PTPRT: variants seen among roughly 807,000 people sequenced by gnomAD.
PTPRT encodes the protein protein tyrosine phosphatase receptor type T, also known as receptor-type tyrosine-protein phosphatase T.
In PTPRT, 56 loss-of-function variants were observed where a neutral mutation model predicts 176.8. The ratio of observed to expected loss-of-function variants is 0.32; its 90% CI spans 0.26 to 0.40. The LOEUF is 0.40. Ranked by LOEUF, PTPRT falls within the 10% of genes least tolerant of loss-of-function variation. The pLI is 1.00. For synonymous variants in PTPRT, 783 were observed against 739.0 expected (o/e 1.06, Z -0.96); for missense variants, 1,540 against 1,908.2 (o/e 0.81, Z 3.60).
At chr20:42,767,138 C>T (rs146361571) in intron 5 of PTPRT, among the ~76,000 whole-genome samples, 191 of 152,226 alleles carry the variant, frequency 1.3e-3, no homozygotes, top group Non-Finnish European at 2.0e-3. Flanking sequence ...TTGATAGGTG[C>T]CTTCTTTTTG....
At chr20:42,198,559 A>C (rs1208383002) in intron 16 of PTPRT, among the ~76,000 whole-genome samples, 3 of 152,224 alleles carry the variant, frequency 2.0e-5, no homozygotes, top group Non-Finnish European at 2.9e-5. Flanking sequence ...TCCACAAGGA[A>C]GCCTTAGATG....
intron 8 of PTPRT, among the ~76,000 whole-genome samples, chr20:42,471,598 T>TTCTTTATAAATTACCCAG (rs752810228): frequency 6.6e-6 from 1 of 152,232 alleles, no homozygotes; most frequent in African/African-American, 2.4e-5. Context: ...TAAACCTCCT[T>TTCTTTATAAATTACCCAG]TCTTTATAAA....
At chr20:42,654,307 A>G (rs1410574309) in intron 7 of PTPRT, among the ~76,000 whole-genome samples, 1 of 152,312 alleles carries the variant, frequency 6.6e-6, no homozygotes, top group Admixed American at 6.5e-5. Flanking sequence ...TCCCTAGCAC[A>G]GTGCATTCAA....
intron 11 of PTPRT, among the ~76,000 whole-genome samples, chr20:42,346,703 G>A (rs566071376): frequency 1.3e-5 from 2 of 152,288 alleles, no homozygotes; most frequent in East Asian, 3.9e-4. Flanking sequence ...CTTCAGAGGA[G>A]CAGTAAGTGG....
intron 7 of PTPRT, among the ~76,000 whole-genome samples, chr20:42,496,516 C>A (rs2071656498): frequency 6.6e-6 from 1 of 152,112 alleles, no homozygotes; most frequent in Non-Finnish European, 1.5e-5. Flanking sequence ...CATCTTCTGG[C>A]ACCAGTTCAG....
At chr20:42,553,154 T>A (rs1433563177) in intron 7 of PTPRT, among the ~76,000 whole-genome samples, 1 of 152,164 alleles carries the variant, frequency 6.6e-6, no homozygotes, top group Non-Finnish European at 1.5e-5. Flanking sequence ...AATGGTATAA[T>A]AATGGAAAAT....
intron 1 of PTPRT, among the ~76,000 whole-genome samples, chr20:42,895,191 T>TTA (rs2079273271): frequency 6.6e-6 from 1 of 152,156 alleles, no homozygotes; most frequent in Non-Finnish European, 1.5e-5. Context: ...CAATAGACAT[T>TTA]TATTTTTACA....
intron 1 of PTPRT, among the ~76,000 whole-genome samples, chr20:43,021,614 A>G (rs1352596814): frequency 6.6e-6 from 1 of 152,098 alleles, no homozygotes; most frequent in East Asian, 1.9e-4. Context: ...CAGGGGCCCT[A>G]GTTAATCTTG....
chr20:42,420,140 T>C (rs1600994012), intron 9 of PTPRT, among the ~76,000 whole-genome samples: 1 of 152,184 alleles, frequency 6.6e-6, no homozygotes, highest in South Asian at 2.1e-4. Flanking sequence ...ATGGCAGCCC[T>C]GGGAAAATCA....
intron 13 of PTPRT, among the ~76,000 whole-genome samples, chr20:42,253,560 G>A (rs947620744): frequency 5.9e-5 from 9 of 152,114 alleles, no homozygotes; most frequent in Admixed American, 5.9e-4. Flanking sequence ...GGAGGGATTT[G>A]GGTGCATCTT....
At chr20:43,186,721 G>T (rs1210657036) in intron 1 of PTPRT, among the ~76,000 whole-genome samples, 1 of 152,168 alleles carries the variant, frequency 6.6e-6, no homozygotes, top group Non-Finnish European at 1.5e-5. Context: ...AGCCACGTTT[G>T]CACATTAATT....
chr20:42,997,176 C>T (rs952941929), intron 1 of PTPRT, among the ~76,000 whole-genome samples: 7 of 152,112 alleles, frequency 4.6e-5, no homozygotes, highest in East Asian at 1.9e-4. Context: ...TATCTCCCAC[C>T]CCCATTTGCT....
At chr20:42,671,894 T>C (rs2075419280) in intron 7 of PTPRT, among the ~76,000 whole-genome samples, 1 of 152,226 alleles carries the variant, frequency 6.6e-6, no homozygotes, top group Non-Finnish European at 1.5e-5. Flanking sequence ...CCTTTGATCC[T>C]AAAGTCCAAG....
chr20:42,421,256 G>A (rs557601458), intron 9 of PTPRT, among the ~76,000 whole-genome samples: 273 of 134,532 alleles, frequency 2.0e-3, no homozygotes, highest in Non-Finnish European at 3.3e-3. Flanking sequence ...ACACACACAC[G>A]CACGCACGCA....
intron 4 of PTPRT, among the ~76,000 whole-genome samples, chr20:42,774,962 C>T (rs557211093): frequency 6.6e-6 from 1 of 152,352 alleles, no homozygotes; most frequent in East Asian, 1.9e-4. Flanking sequence ...CAGCCGCAAG[C>T]TCTCTCAACT....
At chr20:42,778,696 A>T (rs2077172172) in intron 4 of PTPRT, among the ~76,000 whole-genome samples, 1 of 152,218 alleles carries the variant, frequency 6.6e-6, no homozygotes, top group Non-Finnish European at 1.5e-5. Flanking sequence ...GCTCATTCTC[A>T]AATGAGCAGC....
At chr20:42,354,779 G>A (rs2058334930) in intron 9 of PTPRT, among the ~76,000 whole-genome samples, 1 of 152,184 alleles carries the variant, frequency 6.6e-6, no homozygotes, top group Non-Finnish European at 1.5e-5. Flanking sequence ...GCTGTTACTG[G>A]CAATGGCACC....
intron 1 of PTPRT, among the ~76,000 whole-genome samples, chr20:42,940,907 C>T (rs1023745615): frequency 1.3e-5 from 2 of 151,814 alleles, no homozygotes; most frequent in Non-Finnish European, 2.9e-5. Flanking sequence ...AGGTGAAACC[C>T]CACCTCTACT....
intron 1 of PTPRT, among the ~76,000 whole-genome samples, chr20:42,981,184 A>C (rs1001549138): frequency 1.8e-4 from 28 of 152,196 alleles, no homozygotes; most frequent in Non-Finnish European, 3.5e-4. Context: ...TGTCAGGTGC[A>C]ATTTTTACTT....
Sources: gnomAD v4.1 joint callset for allele counts (sites outside exome capture counted in the v4.1 genomes callset) on GRCh38, gnomAD v4.1.1 for gene constraint, MANE v1.5 for transcripts, NCBI Gene and HGNC (gene_info 2026-07-23, HGNC 2026-07-21) for gene names.